LRRC37A2: variants seen among roughly 807,000 people sequenced by gnomAD.
LRRC37A2 encodes leucine-rich repeat-containing protein 37A2.
LRRC37A2 carries 9 observed loss-of-function variants against 68.8 expected under a neutral mutation model. The ratio of observed to expected loss-of-function variants is 0.13; its 90% CI spans 0.08 to 0.23. LRRC37A2 has a LOEUF of 0.23. Among genes scored for constraint, LRRC37A2 ranks in the 10% least tolerant of loss-of-function variants. The pLI, the probability that LRRC37A2 is intolerant of heterozygous loss-of-function variation, is 1.00. For synonymous variants in LRRC37A2, 63 were observed against 367.6 expected (o/e 0.17, Z 9.48); for missense variants, 168 against 950.4 (o/e 0.18, Z 10.82).
the LRRC37A2 span, among the ~76,000 whole-genome samples, chr17:46,718,898 G>T: frequency 6.6e-6 from 1 of 152,100 alleles, no homozygotes. Context: ...CAAATTCTCA[G>T]AAGTGGGATT....
chr17:46,820,437 T>G, the LRRC37A2 span, among the ~76,000 whole-genome samples: 2 of 145,474 alleles, frequency 1.4e-5, no homozygotes, highest in Non-Finnish European at 3.0e-5. Context: ...CCAAGAAAAC[T>G]GTCGGGGGGA....
the LRRC37A2 span, chr17:46,932,894 G>A: frequency 6.6e-6 from 1 of 152,424 alleles, no homozygotes; most frequent in Admixed American, 6.5e-5. Flanking sequence ...TTTTTTTACA[G>A]AGGATTATTT....
At chr17:46,912,690 C>T in the LRRC37A2 span, among the ~76,000 whole-genome samples, 5 of 152,164 alleles carry the variant, frequency 3.3e-5, no homozygotes, top group African/African-American at 1.2e-4. Context: ...GAAGTGCCAC[C>T]CTGTCTGCTC....
chr17:46,768,545 G>A, the LRRC37A2 span: 110 of 1,614,060 alleles, frequency 6.8e-5, no homozygotes, highest in Non-Finnish European at 8.8e-5. The surrounding 1 kb of genome is among the most constrained non-coding windows in gnomAD (Gnocchi z 5.0). Context: ...CACAAAAGTT[G>A]GGGGAGTTCT....
the LRRC37A2 span, chr17:47,033,221 C>CACAAAAAAAAAAAAAAAAAAAA: frequency 3.7e-6 from 1 of 269,744 alleles, no homozygotes; most frequent in Non-Finnish European, 6.6e-6. Context: ...GACTTCATCT[C>CACAAAAAAAAAAAAAAAAAAAA]AAAAAAAAAA....
chr17:46,711,097 A>G, the LRRC37A2 span: 6 of 1,540,244 alleles, frequency 3.9e-6, no homozygotes, highest in African/African-American at 2.8e-5. Flanking sequence ...ACCGCACACC[A>G]TTGGTCAGCG....
chr17:46,491,155 C>T, the LRRC37A2 span, among the ~76,000 whole-genome samples: 41 of 151,166 alleles, frequency 2.7e-4, 3 homozygotes, highest in African/African-American at 9.9e-4. Flanking sequence ...CCTCAGCTTC[C>T]CAAAGTGTTG....
At chr17:46,762,847 A>G in the LRRC37A2 span, 1 of 152,284 alleles carries the variant, frequency 6.6e-6, no homozygotes, top group Middle Eastern at 3.4e-3. Flanking sequence ...CCCCAGAAAC[A>G]TGACTTTATC....
At chr17:46,718,872 T>G in the LRRC37A2 span, among the ~76,000 whole-genome samples, 1 of 152,370 alleles carries the variant, frequency 6.6e-6, no homozygotes, top group Non-Finnish European at 1.5e-5. Flanking sequence ...ATACATTTTT[T>G]ATTATTTCCT....
At chr17:46,928,082 C>A in the LRRC37A2 span, among the ~76,000 whole-genome samples, 1 of 152,074 alleles carries the variant, frequency 6.6e-6, no homozygotes, top group African/African-American at 2.4e-5. Flanking sequence ...CCTCCACACC[C>A]CCGCATCATC....
the LRRC37A2 span, among the ~76,000 whole-genome samples, chr17:47,013,324 C>T: frequency 3.3e-5 from 5 of 152,262 alleles, no homozygotes; most frequent in Non-Finnish European, 7.3e-5. Flanking sequence ...GAATTGTACA[C>T]GTTAATGGAA....
chr17:46,946,893 C>G, the LRRC37A2 span, among the ~76,000 whole-genome samples: 5 of 152,098 alleles, frequency 3.3e-5, no homozygotes, highest in Non-Finnish European at 7.4e-5. Context: ...TATGAGATGT[C>G]GCGGGGCAGC....
At chr17:46,757,830 C>T in the LRRC37A2 span, among the ~76,000 whole-genome samples, 1 of 151,858 alleles carries the variant, frequency 6.6e-6, no homozygotes, top group African/African-American at 2.4e-5. Flanking sequence ...CCTGTCTCTA[C>T]TAAAAATGCA....
the LRRC37A2 span, among the ~76,000 whole-genome samples, chr17:46,993,198 A>G: frequency 2.0e-5 from 3 of 152,218 alleles, no homozygotes; most frequent in African/African-American, 7.2e-5. Context: ...TGTTTTAGGC[A>G]AAACTACAAA....
the LRRC37A2 span, among the ~76,000 whole-genome samples, chr17:46,919,569 A>G: frequency 6.6e-6 from 1 of 152,200 alleles, no homozygotes; most frequent in Non-Finnish European, 1.5e-5. Context: ...GAAATTTTTT[A>G]CATTACTATC....
intron 6 of LRRC37A2, among the ~76,000 whole-genome samples, chr17:46,530,519 T>C: frequency 1.4e-5 from 1 of 70,804 alleles, no homozygotes; most frequent in Non-Finnish European, 2.9e-5. Flanking sequence ...TGACTCACTC[T>C]GATCTTGGTC....
chr17:46,816,133 A>ACG, the LRRC37A2 span, among the ~76,000 whole-genome samples: 8 of 37,632 alleles, frequency 2.1e-4, no homozygotes, highest in East Asian at 0.026. Flanking sequence ...ACACACACTC[A>ACG]CACACACGCA....
At chr17:46,980,666 C>CAAAAAAAA in the LRRC37A2 span, among the ~76,000 whole-genome samples, 14 of 83,880 alleles carry the variant, frequency 1.7e-4, no homozygotes, top group East Asian at 2.0e-3. Flanking sequence ...ACTAAAAATA[C>CAAAAAAAA]AAAAAAAAAA....
the LRRC37A2 span, among the ~76,000 whole-genome samples, chr17:46,856,895 T>A: frequency 6.6e-6 from 1 of 152,194 alleles, no homozygotes; most frequent in Non-Finnish European, 1.5e-5. Context: ...TCCTAAAGGA[T>A]CCTTTGTTCC....
Sources: gnomAD v4.1 joint callset for allele counts (sites outside exome capture counted in the v4.1 genomes callset) on GRCh38, gnomAD v4.1.1 for gene constraint, Gnocchi (gnomAD v3.1) non-coding constraint, MANE v1.5 for transcripts, NCBI Gene and HGNC (gene_info 2026-07-23, HGNC 2026-07-21) for gene names.